The following TCAIM variants were observed in gnomAD, a reference collection of about 807,000 sequenced individuals.
TCAIM encodes T-cell activation inhibitor, mitochondrial.
Under a neutral mutation model 58.6 loss-of-function variants are expected in TCAIM, and 36 were observed. The observed-to-expected ratio is 0.61, with a 90% CI of 0.47 to 0.81. The LOEUF (loss-of-function observed/expected upper bound fraction) is 0.81, where lower values mean the gene tolerates loss of function less well. Ranked by LOEUF, TCAIM falls within the 30% of genes least tolerant of loss-of-function variation. The pLI, the probability that TCAIM is intolerant of heterozygous loss-of-function variation, is 0.00. For missense variants in TCAIM, 466 were observed against 579.6 expected (o/e 0.80, Z 2.01); for synonymous variants, 172 against 193.6 (o/e 0.89, Z 0.93).
In TCAIM at chr3:44,367,651, G is replaced by T; in HGVS notation, c.515G>T (p.Gly172Val). The T allele has an allele frequency of 6.2e-7, 1 of 1,614,072 alleles. No homozygotes were observed. Among genetic ancestry groups the T allele is most frequent in the Non-Finnish European group, 8.5e-7 (1 of 1,179,996 alleles). The change falls in exon 5 of 11, where the codon GGA becomes GTA. Residue 172 changes from glycine (G) to valine (V), a missense_variant. By Grantham distance (109) the Gly-to-Val change is moderately radical. Coordinates refer to ENST00000342649, the MANE Select transcript of TCAIM (RefSeq NM_173826.4). ...KWDKSYYSFT[G>V]FKDPDEDLEQ... ...GACAAGTCTTATTACTCCTTTACTG[G>T]ATTCAAGGACCCTGATGAAGACCTT...
intron 1 of TCAIM, among the ~76,000 whole-genome samples, chr3:44,353,574 A>T (rs964861631): frequency 2.6e-5 from 4 of 152,200 alleles, no homozygotes; most frequent in Non-Finnish European, 5.9e-5. Flanking sequence ...TGCTGTTGCC[A>T]CACATCCTTA....
chr3:44,343,748 A>T (rs1221177177), intron 1 of TCAIM, among the ~76,000 whole-genome samples: 2 of 152,194 alleles, frequency 1.3e-5, no homozygotes, highest in African/African-American at 4.8e-5. Flanking sequence ...AAAACACCTA[A>T]TTCTCAACCT....
intron 4 of TCAIM, among the ~76,000 whole-genome samples, chr3:44,365,409 A>G (rs149047132): frequency 0.021 from 3,240 of 152,114 alleles, 56 homozygotes; most frequent in Non-Finnish European, 0.032. Context: ...GCTCACTGCA[A>G]TCTCTGCCTC....
At chr3:44,338,217 C>T (rs746434487), upstream of TCAIM, 1 of 152,428 alleles carries the variant, frequency 6.6e-6, no homozygotes, top group Non-Finnish European at 1.5e-5. Context: ...GACCCACCAC[C>T]TGCCGGACCA....
intron 6 of TCAIM, among the ~76,000 whole-genome samples, chr3:44,394,488 C>A (rs1328647735): frequency 1.3e-5 from 2 of 151,978 alleles, no homozygotes; most frequent in Non-Finnish European, 2.9e-5. Context: ...TCTGTCAAAG[C>A]AGACTGGGGT....
At chr3:44,400,303 T>C in intron 8 of TCAIM, 52 bp from the exon 9 acceptor site, 1 of 1,342,378 alleles carries the variant, frequency 7.4e-7, no homozygotes. Flanking sequence ...TAAAATTAAA[T>C]TATTATAGTA....
At chr3:44,354,627 T>G in intron 1 of TCAIM, 112 bp from the exon 2 acceptor site, 1 of 675,164 alleles carries the variant, frequency 1.5e-6, no homozygotes, top group South Asian at 2.3e-5. Flanking sequence ...TATACATATT[T>G]TATAAGATTA....
chr3:44,355,077 A>G (rs1337156719), intron 2 of TCAIM, among the ~76,000 whole-genome samples: 4 of 152,202 alleles, frequency 2.6e-5, no homozygotes, highest in South Asian at 2.1e-4. Context: ...TCTTAACACA[A>G]TTCACTTTAT....
intron 5 of TCAIM, 55 bp from the exon 6 acceptor site, chr3:44,392,800 T>C (rs1320127732): frequency 1.3e-6 from 2 of 1,509,868 alleles, no homozygotes; most frequent in Non-Finnish European, 1.8e-6. Context: ...CTTTTAATAG[T>C]AAAAATATGT....
At chr3:44,344,417 T>C (rs943068155) in intron 1 of TCAIM, among the ~76,000 whole-genome samples, 2 of 152,208 alleles carry the variant, frequency 1.3e-5, no homozygotes, top group African/African-American at 4.8e-5. Context: ...AGCTGCTGTG[T>C]CAAACTATCA....
chr3:44,377,262 A>C (rs765112215), intron 5 of TCAIM, among the ~76,000 whole-genome samples: 28 of 152,192 alleles, frequency 1.8e-4, no homozygotes, highest in Non-Finnish European at 4.4e-5. Context: ...AAATTTAAAA[A>C]GATTACAAGA....
intron 4 of TCAIM, chr3:44,362,347 A>C (rs909081865): frequency 1.5e-5 from 6 of 400,404 alleles, no homozygotes; most frequent in African/African-American, 1.2e-4. Flanking sequence ...AAAATGAAAG[A>C]GTTGGAGAAC....
chr3:44,377,546 CTG>C (rs1237580334), intron 5 of TCAIM, among the ~76,000 whole-genome samples: 1 of 152,224 alleles, frequency 6.6e-6, no homozygotes, highest in Non-Finnish European at 1.5e-5. Context: ...ATACAAGACA[CTG>C]TACCTAACAA....
At chr3:44,342,210 A>G (rs148321864) in intron 1 of TCAIM, among the ~76,000 whole-genome samples, 3 of 152,320 alleles carry the variant, frequency 2.0e-5, no homozygotes, top group Non-Finnish European at 2.9e-5. Context: ...TGTTAGCTCA[A>G]AGTATTCTCT....
Position 44,357,726 on chromosome 3 carries a change from A to G in TCAIM, c.30-15A>G, listed in dbSNP as rs377268276. 1.9e-6 allele frequency: 3 copies of G among 1,613,384 alleles called. No homozygotes were observed. The African/African-American group carries it at 4.0e-5, about 22-fold the overall frequency. On this transcript the variant is annotated splice_polypyrimidine_tract_variant and intron_variant, in intron 2 of 10. Coordinates refer to ENST00000342649, the MANE Select transcript of TCAIM (RefSeq NM_173826.4). ...GAGTGCCTCAATGAATAACCAGTCC[A>G]CATCTTTTTAAAAGGTTATGTCTAG...
chr3:44,391,080 T>C (rs1253547566), intron 5 of TCAIM: 1 of 152,262 alleles, frequency 6.6e-6, no homozygotes, highest in East Asian at 1.9e-4. Context: ...TATGTCATGA[T>C]TATAGCACCA....
chr3:44,364,724 T>TG (rs1338680458), intron 4 of TCAIM, among the ~76,000 whole-genome samples: 1 of 149,754 alleles, frequency 6.7e-6, no homozygotes, highest in Non-Finnish European at 1.5e-5. Context: ...CCAGCATGGG[T>TG]GACAGAGTGA....
chr3:44,356,055 T>C lies in TCAIM; in HGVS notation c.29+1244T>C, dbSNP rs184981588. On this transcript the variant is annotated intron_variant, in intron 2 of 10. Coordinates refer to ENST00000342649, the MANE Select transcript of TCAIM (RefSeq NM_173826.4). ...ATTGACTTTATAAAAGGTTCAAATA[T>C]ATAGGAGAAACAAAAGATAATCTGC... 2.4e-3 allele frequency among the ~76,000 whole-genome samples: 366 copies of C among 152,358 alleles called. 4 individuals carry two copies. Among genetic ancestry groups the C allele is most frequent in the Non-Finnish European group, 4.0e-3 (269 of 68,034 alleles).
intron 5 of TCAIM, among the ~76,000 whole-genome samples, chr3:44,368,893 C>T (rs1365318641): frequency 1.3e-5 from 2 of 152,056 alleles, no homozygotes; most frequent in Non-Finnish European, 2.9e-5. Context: ...CATGGTGGTA[C>T]ACATTTGTAG....
Sources: allele counts gnomAD v4.1 joint callset (sites outside exome capture counted in the v4.1 genomes callset), GRCh38; gene constraint gnomAD v4.1.1; transcripts MANE v1.5; gene names NCBI Gene and HGNC (gene_info 2026-07-23, HGNC 2026-07-21).